The following PLCXD3 variants were observed in gnomAD, a reference collection of about 807,000 sequenced individuals.
The protein encoded by PLCXD3 is PI-PLC X domain-containing protein 3.
A neutral mutation model predicts 25.5 loss-of-function variants in PLCXD3; 19 were observed. That is an observed-to-expected ratio of 0.75 (90% CI 0.52 to 1.09). The LOEUF is 1.09. Among genes scored for constraint, PLCXD3 ranks in the 50% least tolerant of loss-of-function variants. The pLI is 0.00. For missense variants in PLCXD3, 411 were observed against 388.1 expected, an observed-to-expected ratio of 1.06 and a Z score of -0.50; for synonymous variants, 174 against 137.6, an observed-to-expected ratio of 1.26 and a Z score of -1.85.
At chr5:41,491,533 G>A (rs1748670881) in intron 1 of PLCXD3, among the ~76,000 whole-genome samples, 1 of 152,114 alleles carries the variant, frequency 6.6e-6, no homozygotes, top group Non-Finnish European at 1.5e-5. Flanking sequence ...CGACAGTGGG[G>A]TGTTAAAGTC....
intron 1 of PLCXD3, among the ~76,000 whole-genome samples, chr5:41,428,388 G>GT (rs200452336): frequency 0.07 from 9,207 of 131,396 alleles, 1,048 homozygotes; most frequent in African/African-American, 0.23. Context: ...TTTTGTTTTT[G>GT]TTTTTGTTTT....
At chr5:41,463,114 T>C (rs1747932209) in intron 1 of PLCXD3, among the ~76,000 whole-genome samples, 1 of 152,042 alleles carries the variant, frequency 6.6e-6, no homozygotes, top group African/African-American at 2.4e-5. Context: ...TTGAGTAAAG[T>C]GACTGTATCT....
chr5:41,326,681 C>T (rs1286554129), intron 2 of PLCXD3, among the ~76,000 whole-genome samples: 1 of 152,202 alleles, frequency 6.6e-6, no homozygotes, highest in Non-Finnish European at 1.5e-5. Flanking sequence ...CAACCCCTCC[C>T]ATCCAAATCT....
intron 1 of PLCXD3, among the ~76,000 whole-genome samples, chr5:41,430,046 C>A (rs895204776): frequency 6.6e-6 from 1 of 152,100 alleles, no homozygotes; most frequent in Admixed American, 6.5e-5. Flanking sequence ...AACAAAAGGG[C>A]AAATTGAGTT....
Position 41,451,357 on chromosome 5 carries a change from A to G in PLCXD3, c.103+59067T>C, listed in dbSNP as rs1022088304. Among the ~76,000 whole-genome samples the G allele has an allele frequency of 3.3e-5, 5 of 152,176 alleles. No individual in the cohort carries two copies. In the East Asian group the frequency reaches 7.8e-4, roughly 24 times the overall value. ...TAAGATGGTATTTGAGGAATATTTTAAAAGATCTCTGCTTGAGGAGGGAGA... is the reference window on the plus strand; with the variant it reads ...TAAGATGGTATTTGAGGAATATTTTGAAAGATCTCTGCTTGAGGAGGGAGA... On this transcript the variant is annotated intron_variant, in intron 1 of 2. Transcript: ENST00000377801.
At position 41,446,194 on chromosome 5, in the gene PLCXD3, A is replaced by AAAAAAAAAAAAAAAAAAAAAC. The variant is rs1272396137; in HGVS notation, c.104-63661_104-63660insGTTTTTTTTTTTTTTTTTTTT. The stretch of plus-strand genomic sequence containing the variant: ...TCCTTCTCAAAAAAAAAAAAAAAAA[A>AAAAAAAAAAAAAAAAAAAAAC]AAAAAAAGAACAACGAGAGAATAGT... On this transcript the variant is annotated intron_variant, in intron 1 of 2. Coordinates refer to ENST00000377801, the MANE Select transcript of PLCXD3 (RefSeq NM_001005473.3). Among the ~76,000 whole-genome samples the AAAAAAAAAAAAAAAAAAAAAC allele has an allele frequency of 2.0e-5, 3 of 148,852 alleles. 1 individual carries two copies. The highest frequency in any genetic ancestry group is 2.0e-4 in the East Asian group (1 of 5,124).
chr5:41,384,868 A>AGTAT (rs1174167233), intron 1 of PLCXD3, among the ~76,000 whole-genome samples: 2 of 152,090 alleles, frequency 1.3e-5, no homozygotes, highest in Admixed American at 6.6e-5. Flanking sequence ...TGGCTTCACC[A>AGTAT]GTATGTGTTT....
intron 1 of PLCXD3, among the ~76,000 whole-genome samples, chr5:41,508,792 T>TA (rs1049843568): frequency 6.6e-6 from 1 of 152,110 alleles, no homozygotes; most frequent in African/African-American, 2.4e-5. Flanking sequence ...AAAATCCAAA[T>TA]AAAAATGAAG....
At chr5:41,387,330 G>A (rs915678621) in intron 1 of PLCXD3, among the ~76,000 whole-genome samples, 1 of 152,040 alleles carries the variant, frequency 6.6e-6, no homozygotes, top group African/African-American at 2.4e-5. Flanking sequence ...CTGAGCAGAG[G>A]ATCCAGCTAA....
Position 41,382,215 on chromosome 5 carries a change from G to A in PLCXD3, c.423C>T (p.Phe141=). 8.7e-6 allele frequency: 14 copies of A among 1,613,754 alleles called. No individual in the cohort carries two copies. Among genetic ancestry groups the A allele is most frequent in the Non-Finnish European group, 1.2e-5 (14 of 1,179,790 alleles). ...TCCCATAAAAGTGGTTGAAGTCCAA[G>A]AACACTACCTCCTTATGGTGATCTG... ...FLTDHHKEVV[F]LDFNHFYGMQ... is the part of the protein sequence containing the mutation. The change falls in exon 2 of 3, where the codon TTC becomes TTT. Residue 141 remains phenylalanine, a synonymous_variant. Coordinates refer to ENST00000377801, the MANE Select transcript of PLCXD3 (RefSeq NM_001005473.3).
At chr5:41,491,978 T>G (rs2150525901) in intron 1 of PLCXD3, among the ~76,000 whole-genome samples, 1 of 152,358 alleles carries the variant, frequency 6.6e-6, no homozygotes, top group Non-Finnish European at 1.5e-5. Flanking sequence ...CCTGTCATTA[T>G]GATGTTAGCT....
At chr5:41,501,377 G>A (rs1216736009) in intron 1 of PLCXD3, among the ~76,000 whole-genome samples, 5 of 152,014 alleles carry the variant, frequency 3.3e-5, no homozygotes, top group African/African-American at 1.2e-4. Flanking sequence ...AGAAAATCCT[G>A]TCATATGCTA....
rs113337347 is a variant in PLCXD3 at position 41,473,469 on chromosome 5, A to T, written c.103+36955T>A. Among the ~76,000 whole-genome samples, 653 of 150,776 alleles carry T rather than the reference A, an allele frequency of 4.3e-3. 8 individuals are homozygous for T. The highest frequency in any genetic ancestry group is 0.013 in the African/African-American group (537 of 41,156). ...TTTAATTAATTAATTAATTAATAAT[A>T]ATTATTATTATTTTTTGAGACGAGT... On this transcript the variant is annotated intron_variant, in intron 1 of 2. Coordinates refer to ENST00000377801, the MANE Select transcript of PLCXD3 (RefSeq NM_001005473.3).
At chr5:41,320,915 C>A (rs1454956066) in intron 2 of PLCXD3, among the ~76,000 whole-genome samples, 1 of 152,170 alleles carries the variant, frequency 6.6e-6, no homozygotes, top group Non-Finnish European at 1.5e-5. Flanking sequence ...TATAAAAAAT[C>A]TTTTAAAAAA....
intron 1 of PLCXD3, among the ~76,000 whole-genome samples, chr5:41,485,221 A>C (rs1362413789): frequency 2.6e-5 from 4 of 152,208 alleles, no homozygotes. Flanking sequence ...TAACACACCC[A>C]AAATCACACA....
At chr5:41,473,208 T>A (rs1748204195) in intron 1 of PLCXD3, among the ~76,000 whole-genome samples, 1 of 152,088 alleles carries the variant, frequency 6.6e-6, no homozygotes. Flanking sequence ...AATTGAGGAT[T>A]AACAGTATTT....
intron 1 of PLCXD3, among the ~76,000 whole-genome samples, chr5:41,447,176 G>C (rs1747523557): frequency 6.6e-6 from 1 of 152,116 alleles, no homozygotes; most frequent in African/African-American, 2.4e-5. Context: ...ATTCATGTCT[G>C]ATTATGATCA....
intron 1 of PLCXD3, among the ~76,000 whole-genome samples, chr5:41,510,057 T>C (rs1045973187): frequency 7.2e-5 from 11 of 152,212 alleles, no homozygotes; most frequent in African/African-American, 2.6e-4. Flanking sequence ...TCACACACGG[T>C]CACCCCGCAG....
In PLCXD3 at chr5:41,309,258, TACAGA is replaced by T. The variant is rs1442532663; in HGVS notation, c.*4354_*4358del. On this transcript the variant is annotated 3_prime_UTR_variant, in exon 3 of 3. Coordinates refer to ENST00000377801, the MANE Select transcript of PLCXD3 (RefSeq NM_001005473.3). ...TTCAATTGACATGTTTTACAAATTCTACAGAACACTTTATCATTATCATTGGGAAA... is the reference window on the plus strand; with the variant it reads ...TTCAATTGACATGTTTTACAAATTCTACACTTTATCATTATCATTGGGAAA... 1.3e-5 allele frequency: 2 copies of T among 152,598 alleles called. No homozygotes were observed. The highest frequency in any genetic ancestry group is 1.3e-4 in the Admixed American group (2 of 15,256). 9.5% of individuals were successfully genotyped at this position (152,598 alleles called of 1,614,324 possible). A position where few individuals can be genotyped will look rare whatever the true frequency, so the allele number is the denominator to read the frequency against.
Sources: allele counts gnomAD v4.1 joint callset (sites outside exome capture counted in the v4.1 genomes callset), GRCh38; gene constraint gnomAD v4.1.1; transcripts MANE v1.5; gene names NCBI Gene and HGNC (gene_info 2026-07-23, HGNC 2026-07-21).